ANKS1B: variants seen among roughly 807,000 people sequenced by gnomAD.
The protein encoded by ANKS1B is ankyrin repeat and sterile alpha motif domain-containing protein 1B.
ANKS1B carries 36 observed loss-of-function variants against 148.3 expected under a neutral mutation model. That is an observed-to-expected ratio of 0.24 (90% CI 0.19 to 0.32). The LOEUF is 0.32. Among genes scored for constraint, ANKS1B ranks in the 10% least tolerant of loss-of-function variants. ANKS1B has a pLI of 1.00. For missense variants in ANKS1B, 1,157 were observed against 1,542.6 expected, an observed-to-expected ratio of 0.75 and a Z score of 4.19; for synonymous variants, 542 against 560.8, an observed-to-expected ratio of 0.97 and a Z score of 0.47.
chr12:99,195,852 G>T (rs897458620), intron 14 of ANKS1B, among the ~76,000 whole-genome samples: 17 of 151,796 alleles, frequency 1.1e-4, no homozygotes, highest in Non-Finnish European at 4.4e-5. Flanking sequence ...TAGAATTATC[G>T]AGCATTTATT....
chr12:99,040,922 A>G (rs749211550), intron 17 of ANKS1B, among the ~76,000 whole-genome samples: 2 of 152,164 alleles, frequency 1.3e-5, no homozygotes, highest in African/African-American at 2.4e-5. Context: ...CCCGCAGTCT[A>G]GCTCCGAGTC....
At chr12:99,453,629 A>G (rs979777478) in intron 10 of ANKS1B, among the ~76,000 whole-genome samples, 33 of 152,196 alleles carry the variant, frequency 2.2e-4, no homozygotes, top group African/African-American at 7.5e-4. Context: ...CTTGAGTCAG[A>G]GGCATCCCGC....
intron 9 of ANKS1B, among the ~76,000 whole-genome samples, chr12:98,737,930 C>A (rs2097781421): frequency 6.6e-6 from 1 of 152,130 alleles, no homozygotes; most frequent in South Asian, 2.1e-4. Flanking sequence ...TCTAATAATT[C>A]TTAGTCTTTG....
chr12:98,825,597 C>T (rs2099242219), intron 19 of ANKS1B, among the ~76,000 whole-genome samples: 1 of 152,058 alleles, frequency 6.6e-6, no homozygotes, highest in Non-Finnish European at 1.5e-5. Flanking sequence ...TTCATTTTCT[C>T]ATACGTTTTT....
At chr12:99,247,061 GC>G (rs2073957127) in intron 12 of ANKS1B, among the ~76,000 whole-genome samples, 197 bp from the exon 13 acceptor site, 1 of 152,170 alleles carries the variant, frequency 6.6e-6, no homozygotes, top group East Asian at 1.9e-4. Context: ...GCGTGTGTAT[GC>G]ATGTGTGAAT....
At chr12:99,398,324 G>C (rs1033852958) in intron 12 of ANKS1B, among the ~76,000 whole-genome samples, 1 of 152,018 alleles carries the variant, frequency 6.6e-6, no homozygotes, top group African/African-American at 2.4e-5. Flanking sequence ...TTTAAACATA[G>C]AGTCCGATTA....
chr12:99,715,703 C>G lies in ANKS1B; in HGVS notation c.1128+57219G>C, dbSNP rs2057229973. Among the ~76,000 whole-genome samples the G allele has an allele frequency of 2.0e-5, 3 of 152,112 alleles. No homozygotes were observed. The South Asian group carries it at 6.2e-4, about 32-fold the overall frequency. ...AGATCCACCTATGACCTCGGGTCCT[C>G]AGACCCATCAGCCCAAGGAACATCT... On this transcript the variant is annotated intron_variant, in intron 8 of 26. Transcript: ENST00000683438.
chr12:99,688,954 C>T (rs1231372746), intron 8 of ANKS1B, among the ~76,000 whole-genome samples: 2 of 151,474 alleles, frequency 1.3e-5, no homozygotes, highest in African/African-American at 4.8e-5. Context: ...TTTAAGGGTT[C>T]CATTGTGTAT....
chr12:98,852,911 C>A (rs1285644015), intron 17 of ANKS1B, among the ~76,000 whole-genome samples: 1 of 152,178 alleles, frequency 6.6e-6, no homozygotes, highest in Non-Finnish European at 1.5e-5. Context: ...CCAAATCTGT[C>A]TTCCTCATTC....
At chr12:98,857,267 A>C (rs998652997) in intron 17 of ANKS1B, among the ~76,000 whole-genome samples, 20 of 152,200 alleles carry the variant, frequency 1.3e-4, no homozygotes, top group Non-Finnish European at 2.8e-4. Context: ...GGAGATGTAA[A>C]AGCATTCTAG....
chr12:99,074,434 G>A (rs896651166), intron 16 of ANKS1B, among the ~76,000 whole-genome samples: 2 of 152,108 alleles, frequency 1.3e-5, no homozygotes, highest in Non-Finnish European at 2.9e-5. Context: ...CAGAGCATGG[G>A]TAAGTATGTT....
intron 1 of ANKS1B, among the ~76,000 whole-genome samples, chr12:99,831,713 T>G (rs888173442): frequency 6.6e-6 from 1 of 151,602 alleles, no homozygotes; most frequent in South Asian, 2.1e-4. Flanking sequence ...CTCCTACTGA[T>G]CAGGGTTTTT....
chr12:99,816,910 A>AAAAT (rs1314780679), intron 2 of ANKS1B, among the ~76,000 whole-genome samples: 1 of 151,670 alleles, frequency 6.6e-6, no homozygotes, highest in East Asian at 1.9e-4. Context: ...GATACATAAT[A>AAAAT]GTTGTATATA....
In ANKS1B at chr12:99,345,487, C is replaced by G. The variant is rs535004504; in HGVS notation, c.1756+54144G>C. On this transcript the variant is annotated intron_variant, in intron 12 of 26. Coordinates refer to ENST00000683438, the MANE Select transcript of ANKS1B (RefSeq NM_001352186.2). ...AGTTGTTAAATACAGATAAAGAGAACAGAAGAATATAAATATTCTAAACTG... is the reference window on the plus strand; with the variant it reads ...AGTTGTTAAATACAGATAAAGAGAAGAGAAGAATATAAATATTCTAAACTG... Among the ~76,000 whole-genome samples, 10 of 152,068 alleles carry G rather than the reference C, an allele frequency of 6.6e-5. No homozygotes were observed. In the East Asian group the frequency reaches 1.9e-3, roughly 29 times the overall value.
chr12:99,147,723 C>A (rs2073632361), intron 15 of ANKS1B, among the ~76,000 whole-genome samples: 1 of 151,936 alleles, frequency 6.6e-6, no homozygotes, highest in Non-Finnish European at 1.5e-5. Context: ...CTATGAGAAC[C>A]AGGGATCTCC....
intron 17 of ANKS1B, among the ~76,000 whole-genome samples, chr12:98,920,794 T>A (rs1301016576): frequency 6.6e-6 from 1 of 152,176 alleles, no homozygotes; most frequent in East Asian, 1.9e-4. Context: ...TGCAATGAAA[T>A]CTCCTTAGAG....
chr12:99,571,284 GC>G (rs752021331), intron 9 of ANKS1B, among the ~76,000 whole-genome samples: 10 of 151,868 alleles, frequency 6.6e-5, no homozygotes, highest in Admixed American at 2.6e-4. Flanking sequence ...CAACAACTGT[GC>G]CACCTAAGGC....
chr12:98,947,949 A>ATATT (rs2099847949), intron 17 of ANKS1B, among the ~76,000 whole-genome samples: 2 of 152,106 alleles, frequency 1.3e-5, no homozygotes. Context: ...CCGGTGTGAG[A>ATATT]TATTCTTCAG....
intron 12 of ANKS1B, among the ~76,000 whole-genome samples, chr12:99,398,794 A>G (rs760038655): frequency 1.7e-4 from 26 of 152,138 alleles, no homozygotes; most frequent in Non-Finnish European, 7.4e-5. Context: ...ATTAGTGCCA[A>G]TGAACTTCCT....
Sources: gnomAD v4.1 joint callset for allele counts (sites outside exome capture counted in the v4.1 genomes callset) on GRCh38, gnomAD v4.1.1 for gene constraint, MANE v1.5 for transcripts, NCBI Gene and HGNC (gene_info 2026-07-23, HGNC 2026-07-21) for gene names.